ARHGEF26: variants seen among roughly 807,000 people sequenced by gnomAD.
The protein encoded by ARHGEF26 is Rho guanine nucleotide exchange factor 26, also known as Rho guanine nucleotide exchange factor (GEF) 26.
A neutral mutation model predicts 89.4 loss-of-function variants in ARHGEF26; 59 were observed. The ratio of observed to expected loss-of-function variants is 0.66; its 90% CI spans 0.54 to 0.82. ARHGEF26 has a LOEUF of 0.82. Among genes scored for constraint, ARHGEF26 ranks in the 40% least tolerant of loss-of-function variants. ARHGEF26 has a pLI of 0.00. For missense variants in ARHGEF26, 1,234 were observed against 1,085.6 expected (o/e 1.14, Z -1.92); for synonymous variants, 500 against 428.4 (o/e 1.17, Z -2.06).
At chr3:154,229,823 G>A (rs985498179) in intron 11 of ARHGEF26, among the ~76,000 whole-genome samples, 2 of 152,116 alleles carry the variant, frequency 1.3e-5, no homozygotes, top group Admixed American at 1.3e-4. Flanking sequence ...AGTAGTGAAG[G>A]TGTGAAAATC....
intron 12 of ARHGEF26, among the ~76,000 whole-genome samples, chr3:154,247,504 G>A (rs920129357): frequency 4.1e-4 from 62 of 152,110 alleles, no homozygotes; most frequent in African/African-American, 1.5e-3. Flanking sequence ...CAATACAGTA[G>A]TTTTATCACT....
intron 11 of ARHGEF26, among the ~76,000 whole-genome samples, chr3:154,233,924 T>C (rs951743886): frequency 6.6e-6 from 1 of 152,216 alleles, no homozygotes; most frequent in African/African-American, 2.4e-5. Context: ...GCTATGTGAA[T>C]GTTCTAAAGC....
chr3:154,127,496 A>G (rs919086556), intron 3 of ARHGEF26, among the ~76,000 whole-genome samples: 5 of 149,796 alleles, frequency 3.3e-5, no homozygotes, highest in African/African-American at 1.2e-4. Context: ...GTCCCACAAG[A>G]AGGTCTTCAG....
Position 154,256,726 on chromosome 3 carries a change from T to TA in ARHGEF26, c.*1254dup. ...GAAGGGAAAATTAGGCCTTAAAAGA[T>TA]ACCAAGAAGTCAGCATGGTACCCAA... On this transcript the variant is annotated 3_prime_UTR_variant, in exon 15 of 15. Transcript: ENST00000465093. 1 of 1,373,714 alleles carries TA rather than the reference T, an allele frequency of 7.3e-7. No individual in the cohort carries two copies. Among genetic ancestry groups the TA allele is most frequent in the South Asian group, 1.9e-5 (1 of 52,884 alleles). 85.1% of individuals were successfully genotyped at this position (1,373,714 alleles called of 1,614,324 possible). A position where few individuals can be genotyped will look rare whatever the true frequency, so the allele number is the denominator to read the frequency against.
intron 12 of ARHGEF26, among the ~76,000 whole-genome samples, chr3:154,241,967 A>G (rs1717506591): frequency 6.6e-6 from 1 of 152,362 alleles, no homozygotes; most frequent in Non-Finnish European, 1.5e-5. Flanking sequence ...GAGAAGGTAC[A>G]GAAATCTAAC....
chr3:154,165,052 T>G (rs1307628321), intron 6 of ARHGEF26, among the ~76,000 whole-genome samples: 2 of 152,140 alleles, frequency 1.3e-5, no homozygotes, highest in African/African-American at 2.4e-5. Flanking sequence ...TTATTTTATC[T>G]TTGATTTTTG....
rs1559920508 is a variant in ARHGEF26 at position 154,239,287 on chromosome 3, AGAGAGAGAGAGAGTGTGTGTGT to A, written c.2091-1081_2091-1060del. ...GAGAGAGAGAGAGAGAGAGAGAGAG[AGAGAGAGAGAGAGTGTGTGTGT>A]GTGTGTGTGTGTGTGTGTGTGTGTG... On this transcript the variant is annotated intron_variant, in intron 11 of 14. Transcript: ENST00000465093. Among the ~76,000 whole-genome samples the A allele has an allele frequency of 2.2e-3, 229 of 104,268 alleles. 1 individual carries two copies. Among genetic ancestry groups the A allele is most frequent in the Middle Eastern group, 0.01 (2 of 196 alleles). 68.4% of individuals were successfully genotyped at this position (104,268 alleles called of 152,430 possible). A position where few individuals can be genotyped will look rare whatever the true frequency, so the allele number is the denominator to read the frequency against.
Position 154,256,207 on chromosome 3 carries a change from T to C in ARHGEF26, c.*734T>C. On this transcript the variant is annotated 3_prime_UTR_variant, in exon 15 of 15. Coordinates refer to ENST00000465093, the MANE Select transcript of ARHGEF26 (RefSeq NM_015595.4). ...CGTAGAATTTAGATGGGTTCATATA[T>C]GTGAGAAAAACCTGAATATAGGACA... is the stretch of plus-strand genomic sequence containing the variant. 2.0e-6 allele frequency: 2 copies of C among 985,790 alleles called. No individual in the cohort carries two copies. Among genetic ancestry groups the C allele is most frequent in the South Asian group, 9.4e-5 (2 of 21,294 alleles). The allele number at this position is 985,790 out of a possible 1,614,324, so 61.1% of individuals were successfully genotyped here. A position where few individuals can be genotyped will look rare whatever the true frequency, so the allele number is the denominator to read the frequency against.
At chr3:154,198,773 G>T (rs1002304531) in intron 9 of ARHGEF26, among the ~76,000 whole-genome samples, 1 of 152,104 alleles carries the variant, frequency 6.6e-6, no homozygotes, top group African/African-American at 2.4e-5. Flanking sequence ...ATTGGGCACA[G>T]TGTACACTGC....
intron 6 of ARHGEF26, among the ~76,000 whole-genome samples, chr3:154,162,079 T>C (rs967284058): frequency 2.0e-5 from 3 of 152,200 alleles, no homozygotes; most frequent in Admixed American, 6.5e-5. Context: ...GTTATCAATC[T>C]TAAACTAGGG....
chr3:154,139,325 C>T (rs1719214649), intron 4 of ARHGEF26, among the ~76,000 whole-genome samples: 1 of 152,138 alleles, frequency 6.6e-6, no homozygotes, highest in African/African-American at 2.4e-5. Context: ...TTTTATCAAT[C>T]TTGTACTTTT....
At chr3:154,155,294 A>G (rs1720263612) in intron 6 of ARHGEF26, among the ~76,000 whole-genome samples, 1 of 152,062 alleles carries the variant, frequency 6.6e-6, no homozygotes, top group South Asian at 2.1e-4. Flanking sequence ...ATAAGCACTA[A>G]CATTACATCA....
chr3:154,155,189 A>G (rs1203961608), intron 6 of ARHGEF26, among the ~76,000 whole-genome samples: 1 of 152,018 alleles, frequency 6.6e-6, no homozygotes, highest in Non-Finnish European at 1.5e-5. Context: ...GCTTTTCCAT[A>G]TGAATAAGAG....
intron 8 of ARHGEF26, among the ~76,000 whole-genome samples, chr3:154,193,510 A>G (rs2108191659): frequency 6.6e-6 from 1 of 151,834 alleles, no homozygotes; most frequent in Non-Finnish European, 1.5e-5. Flanking sequence ...ACTACTTTCT[A>G]CCTCTGCCTG....
At chr3:154,238,746 C>T (rs886468069) in intron 11 of ARHGEF26, among the ~76,000 whole-genome samples, 2 of 152,142 alleles carry the variant, frequency 1.3e-5, no homozygotes, top group South Asian at 2.1e-4. Flanking sequence ...CATGTTCACT[C>T]GCAAGGGTGC....
intron 3 of ARHGEF26, among the ~76,000 whole-genome samples, chr3:154,127,458 A>T (rs867918698): frequency 6.6e-6 from 1 of 152,160 alleles, no homozygotes; most frequent in Admixed American, 6.5e-5. Flanking sequence ...AGAATCATCA[A>T]TGTCACTGTT....
At chr3:154,238,717 G>A (rs1354943503) in intron 11 of ARHGEF26, among the ~76,000 whole-genome samples, 1 of 152,180 alleles carries the variant, frequency 6.6e-6, no homozygotes, top group East Asian at 1.9e-4. Context: ...TTATGTGACA[G>A]TTATTTATTG....
At chr3:154,232,044 A>G (rs1716859555) in intron 11 of ARHGEF26, among the ~76,000 whole-genome samples, 1 of 152,136 alleles carries the variant, frequency 6.6e-6, no homozygotes, top group African/African-American at 2.4e-5. Flanking sequence ...GGGTTGCTGT[A>G]TAATTTGGAT....
chr3:154,252,975 A>G (rs974365209), intron 12 of ARHGEF26, 141 bp from the exon 13 acceptor site: 10 of 813,726 alleles, frequency 1.2e-5, no homozygotes, highest in African/African-American at 1.2e-4. Context: ...TCACTTTTAA[A>G]CTACTCTCAC....
Sources: gnomAD v4.1 joint callset for allele counts (sites outside exome capture counted in the v4.1 genomes callset) on GRCh38, gnomAD v4.1.1 for gene constraint, MANE v1.5 for transcripts, NCBI Gene and HGNC (gene_info 2026-07-23, HGNC 2026-07-21) for gene names.